The following MIA2 variants were observed in gnomAD, a reference collection of about 807,000 sequenced individuals.
The protein encoded by MIA2 is MIA SH3 domain ER export factor 2, also known as melanoma inhibitory activity protein 2.
Under a neutral mutation model 167.8 loss-of-function variants are expected in MIA2, and 127 were observed. The ratio of observed to expected loss-of-function variants is 0.76; its 90% CI spans 0.66 to 0.88. The LOEUF (loss-of-function observed/expected upper bound fraction) is 0.88, where lower values mean the gene tolerates loss of function less well. Ranked by LOEUF, MIA2 falls within the 40% of genes least tolerant of loss-of-function variation. The pLI is 0.00. For missense variants in MIA2, 1,690 were observed against 1,624.7 expected, an observed-to-expected ratio of 1.04 and a Z score of -0.69; for synonymous variants, 552 against 541.9, an observed-to-expected ratio of 1.02 and a Z score of -0.26.
chr14:39,315,522 T>C (rs1281997176), intron 20 of MIA2, among the ~76,000 whole-genome samples, 161 bp from the exon 21 acceptor site: 3 of 152,172 alleles, frequency 2.0e-5, no homozygotes, highest in African/African-American at 7.2e-5. Context: ...TAAAATATAA[T>C]AGATTATGTA....
chr14:39,302,934 C>T (rs2062769292), intron 15 of MIA2, among the ~76,000 whole-genome samples: 1 of 152,050 alleles, frequency 6.6e-6, no homozygotes, highest in Non-Finnish European at 1.5e-5. Context: ...TCTTCCCCAG[C>T]CCCTGCATAA....
At chr14:39,324,986 G>C (rs540341358) in intron 24 of MIA2, among the ~76,000 whole-genome samples, 71 of 152,154 alleles carry the variant, frequency 4.7e-4, no homozygotes, top group Non-Finnish European at 9.3e-4. Flanking sequence ...ACTTTGGGAG[G>C]TCAAGGTGGT....
At chr14:39,331,194 C>T (rs186677744) in intron 25 of MIA2, among the ~76,000 whole-genome samples, 1 of 152,120 alleles carries the variant, frequency 6.6e-6, no homozygotes, top group East Asian at 1.9e-4. Flanking sequence ...TTGCATTGAT[C>T]CCTTTACCAT....
At chr14:39,312,622 C>T (rs2064522579) in intron 18 of MIA2, among the ~76,000 whole-genome samples, 1 of 152,150 alleles carries the variant, frequency 6.6e-6, no homozygotes, top group African/African-American at 2.4e-5. Flanking sequence ...GGTATTATAG[C>T]ATAAAAGAGT....
intron 17 of MIA2, among the ~76,000 whole-genome samples, chr14:39,306,608 G>A (rs1040466282): frequency 6.6e-6 from 1 of 152,068 alleles, no homozygotes; most frequent in African/African-American, 2.4e-5. Context: ...AAGTTGGATG[G>A]GGACACAAAG....
chr14:39,322,522 A>C (rs1478580183), intron 24 of MIA2, among the ~76,000 whole-genome samples: 1 of 149,666 alleles, frequency 6.7e-6, no homozygotes, highest in Non-Finnish European at 1.5e-5. Context: ...GCCTGGCAAC[A>C]GAGCGAGACT....
chr14:39,249,041 C>A (rs1055308900), intron 4 of MIA2, among the ~76,000 whole-genome samples: 1 of 152,088 alleles, frequency 6.6e-6, no homozygotes, highest in Non-Finnish European at 1.5e-5. Flanking sequence ...GCCTGGCCAG[C>A]TAAAGGAAAG....
At chr14:39,257,999 C>A (rs1168674007) in intron 6 of MIA2, among the ~76,000 whole-genome samples, 1 of 152,180 alleles carries the variant, frequency 6.6e-6, no homozygotes, top group East Asian at 1.9e-4. Context: ...TGACCTTTCC[C>A]TCTGGCTGTC....
intron 6 of MIA2, among the ~76,000 whole-genome samples, chr14:39,267,784 G>A (rs1281405304): frequency 1.3e-5 from 2 of 152,248 alleles, no homozygotes; most frequent in Non-Finnish European, 2.9e-5. Context: ...TTGCAAAGAT[G>A]TAAATGTTTC....
intron 23 of MIA2, 47 bp downstream of exon 23, chr14:39,319,338 A>ATG (rs2066006671): frequency 2.3e-6 from 2 of 874,328 alleles, no homozygotes; most frequent in African/African-American, 3.5e-5. Flanking sequence ...TATTTTACAT[A>ATG]TATATATATA....
intron 9 of MIA2, among the ~76,000 whole-genome samples, chr14:39,287,587 T>G (rs553441228): frequency 6.6e-6 from 1 of 152,048 alleles, no homozygotes; most frequent in Non-Finnish European, 1.5e-5. Flanking sequence ...TTTTTTGAGA[T>G]GAAGTCTTGC....
intron 18 of MIA2, among the ~76,000 whole-genome samples, chr14:39,311,190 T>C (rs2064173564): frequency 6.6e-6 from 1 of 152,186 alleles, no homozygotes; most frequent in Non-Finnish European, 1.5e-5. Flanking sequence ...AAAATTATTT[T>C]AAATTCCTAA....
chr14:39,278,978 T>C (rs1236019130), intron 7 of MIA2, among the ~76,000 whole-genome samples: 1 of 151,974 alleles, frequency 6.6e-6, no homozygotes, highest in Non-Finnish European at 1.5e-5. Flanking sequence ...CTGGCCAACA[T>C]GGTGAAACCC....
intron 1 of MIA2, among the ~76,000 whole-genome samples, chr14:39,234,739 G>A (rs2053655623): frequency 6.6e-6 from 1 of 151,874 alleles, no homozygotes; most frequent in African/African-American, 2.4e-5. Flanking sequence ...TTTACTAAAT[G>A]TTAATCATTT....
intron 21 of MIA2, among the ~76,000 whole-genome samples, chr14:39,317,187 T>C (rs2065628078): frequency 1.3e-5 from 2 of 152,068 alleles, no homozygotes; most frequent in Admixed American, 1.3e-4. Flanking sequence ...AAGAATTACA[T>C]ATCAGGAAGG....
At position 39,348,989 on chromosome 14, in the gene MIA2, T is replaced by A. The variant is rs763830870; in HGVS notation, c.4072+12T>A. 7 of 1,607,380 alleles carry A rather than the reference T, an allele frequency of 4.4e-6. No individual in the cohort carries two copies. The South Asian group carries it at 5.5e-5, about 13-fold the overall frequency. ...TGCTCCATTTGCAAGTATGCTTTTT[T>A]AAACTTTTTTTTTAAAGCTCAATAT... On this transcript the variant is annotated intron_variant, in intron 28 of 28. Coordinates refer to ENST00000640607, the MANE Select transcript of MIA2 (RefSeq NM_001329214.4).
At chr14:39,257,552 G>A (rs925609593) in intron 6 of MIA2, among the ~76,000 whole-genome samples, 7 of 152,114 alleles carry the variant, frequency 4.6e-5, no homozygotes, top group African/African-American at 1.7e-4. Flanking sequence ...GCCAGTCTCT[G>A]TCTTTTAATT....
rs1459333074 is a variant in MIA2 at position 39,340,026 on chromosome 14, A to G, written c.3656-5878A>G. 2.0e-5 allele frequency among the ~76,000 whole-genome samples: 3 copies of G among 152,226 alleles called. No homozygotes were observed. The East Asian group carries it at 5.8e-4, about 29-fold the overall frequency. ...AATGCCTAATTTTTAAATTTTCTGT[A>G]GAGACGGGGCCTCACTATGTTGCCC... On this transcript the variant is annotated intron_variant, in intron 25 of 28. Coordinates refer to ENST00000640607, the MANE Select transcript of MIA2 (RefSeq NM_001329214.4).
intron 9 of MIA2, among the ~76,000 whole-genome samples, chr14:39,280,920 T>TAG (rs1201580747): frequency 1.4e-5 from 1 of 69,920 alleles, no homozygotes; most frequent in African/African-American, 1.0e-4. Flanking sequence ...AGTTTTTTTT[T>TAG]TTTTTTTTTT....
Sources: allele counts gnomAD v4.1 joint callset (sites outside exome capture counted in the v4.1 genomes callset), GRCh38; gene constraint gnomAD v4.1.1; transcripts MANE v1.5; gene names NCBI Gene and HGNC (gene_info 2026-07-23, HGNC 2026-07-21).